NARS2: variants seen among roughly 807,000 people sequenced by gnomAD.
NARS2 encodes asparaginyl-tRNA synthetase.
Under a neutral mutation model 62.9 loss-of-function variants are expected in NARS2, and 60 were observed. That is an observed-to-expected ratio of 0.95 (90% confidence interval 0.77 to 1.18). The LOEUF (loss-of-function observed/expected upper bound fraction) is 1.18, where lower values mean the gene tolerates loss of function less well. NARS2 is among the 50% of genes most tolerant of loss of function. The probability of loss-of-function intolerance (pLI) is 0.00; values close to 1 mark genes in which losing one functional copy is unlikely to be tolerated. For missense variants in NARS2, 619 were observed against 576.4 expected, an observed-to-expected ratio of 1.07 and a Z score of -0.76; for synonymous variants, 196 against 200.0, an observed-to-expected ratio of 0.98 and a Z score of 0.17.
chr11:78,519,263 G>C (rs557931319), intron 6 of NARS2, among the ~76,000 whole-genome samples: 1 of 152,100 alleles, frequency 6.6e-6, no homozygotes, highest in South Asian at 2.1e-4. Flanking sequence ...TAATCGAAGG[G>C]AGTCAATTTA....
At chr11:78,516,097 G>A (rs1308814665) in intron 6 of NARS2, among the ~76,000 whole-genome samples, 2 of 152,204 alleles carry the variant, frequency 1.3e-5, no homozygotes, top group African/African-American at 4.8e-5. Flanking sequence ...GTATTTGGAA[G>A]TTGATAAAGA....
intron 9 of NARS2, among the ~76,000 whole-genome samples, chr11:78,474,928 A>T (rs1377544412): frequency 1.3e-5 from 2 of 151,642 alleles, no homozygotes; most frequent in African/African-American, 4.9e-5. Flanking sequence ...TTTTGCAGTG[A>T]GAAGATTTAA....
At chr11:78,504,456 T>C (rs1197213005) in intron 6 of NARS2, among the ~76,000 whole-genome samples, 1 of 139,112 alleles carries the variant, frequency 7.2e-6, no homozygotes, top group Admixed American at 7.2e-5. Context: ...TTTTTTTTTT[T>C]CTGTGTAGGG....
At chr11:78,492,374 C>T (rs1333500433) in intron 7 of NARS2, among the ~76,000 whole-genome samples, 4 of 152,118 alleles carry the variant, frequency 2.6e-5, no homozygotes, top group Admixed American at 2.0e-4. Flanking sequence ...TTTTATCTAC[C>T]TCTAAATCAT....
At chr11:78,468,310 G>GGAAAAAAAAAAAAA (rs1555015326) in intron 10 of NARS2, among the ~76,000 whole-genome samples, 6 of 67,430 alleles carry the variant, frequency 8.9e-5, no homozygotes, top group East Asian at 3.7e-4. Flanking sequence ...CACTAAATCT[G>GGAAAAAAAAAAAAA]AAAAAAAAAA....
rs143273746 is a variant in NARS2, at chr11:78,484,003, C to G, written c.823-5320G>C. Among the ~76,000 whole-genome samples, 109 of 152,280 alleles carry G rather than the reference C, an allele frequency of 7.2e-4. No individual in the cohort carries two copies. The East Asian group carries it at 0.018, about 25-fold the overall frequency. On this transcript the variant is annotated intron_variant, in intron 7 of 13. Transcript: ENST00000281038. ...GATTTCAAACTATACTACAAGGCTA[C>G]AGTAATCAAAACAACATGGTACTGT... is the stretch of plus-strand genomic sequence containing the variant.
intron 5 of NARS2, among the ~76,000 whole-genome samples, chr11:78,549,132 T>C (rs1480042791): frequency 6.6e-6 from 1 of 152,188 alleles, no homozygotes. Flanking sequence ...CCAGTCCCAC[T>C]TGGGGGATGG....
chr11:78,504,171 C>T (rs1408204109), intron 6 of NARS2, among the ~76,000 whole-genome samples: 1 of 152,168 alleles, frequency 6.6e-6, no homozygotes, highest in Non-Finnish European at 1.5e-5. Context: ...AACTTCACAC[C>T]ATATTGTCCT....
At chr11:78,466,717 G>A (rs948572228) in intron 10 of NARS2, among the ~76,000 whole-genome samples, 1 of 152,082 alleles carries the variant, frequency 6.6e-6, no homozygotes, top group East Asian at 1.9e-4. Context: ...TCCTGATTTC[G>A]TGATCTGCCC....
At chr11:78,551,513 T>C (rs1324130585) in intron 5 of NARS2, among the ~76,000 whole-genome samples, 2 of 152,236 alleles carry the variant, frequency 1.3e-5, no homozygotes, top group African/African-American at 4.8e-5. Flanking sequence ...CACTTTCATA[T>C]TTTATGGTAT....
chr11:78,468,703 C>T (rs1182658632), intron 10 of NARS2, among the ~76,000 whole-genome samples: 1 of 151,960 alleles, frequency 6.6e-6, no homozygotes, highest in East Asian at 1.9e-4. Context: ...CGCACCCAGC[C>T]TGGTCATCTT....
intron 9 of NARS2, among the ~76,000 whole-genome samples, chr11:78,470,374 C>A (rs763721278): frequency 1.3e-5 from 2 of 152,010 alleles, no homozygotes; most frequent in Non-Finnish European, 2.9e-5. Context: ...CCAGAGAAAC[C>A]TAGTTCCTTT....
At position 78,572,514 on chromosome 11, in the gene NARS2, C is replaced by A. The variant is rs149406453; in HGVS notation, c.142-1070G>T. On this transcript the variant is annotated intron_variant, in intron 1 of 13. Coordinates refer to ENST00000281038, the MANE Select transcript of NARS2 (RefSeq NM_024678.6). ...GATGCTATTATAATTCTGCCCCATC[C>A]CCAGCTCCTCTGCCTAGGGAACACA... Among the ~76,000 whole-genome samples, 976 of 152,268 alleles carry A rather than the reference C, an allele frequency of 6.4e-3. 6 individuals carry two copies. Among genetic ancestry groups the A allele is most frequent in the African/African-American group, 0.022 (929 of 41,544 alleles).
intron 3 of NARS2, among the ~76,000 whole-genome samples, chr11:78,567,394 G>A (rs1182843572): frequency 6.6e-6 from 1 of 152,296 alleles, no homozygotes; most frequent in African/African-American, 2.4e-5. Context: ...AGAATGGCAT[G>A]CAATTTAAAA....
chr11:78,482,638 C>G (rs1209540961), intron 7 of NARS2, among the ~76,000 whole-genome samples: 1 of 152,134 alleles, frequency 6.6e-6, no homozygotes, highest in Non-Finnish European at 1.5e-5. Flanking sequence ...ACGAGAAAAT[C>G]TAGAAGAAAT....
At chr11:78,479,638 A>G (rs1205206338) in intron 7 of NARS2, among the ~76,000 whole-genome samples, 1 of 152,272 alleles carries the variant, frequency 6.6e-6, no homozygotes, top group African/African-American at 2.4e-5. Context: ...CACAACTAAC[A>G]TTCTTGGTTT....
chr11:78,504,346 G>A (rs1860401461), intron 6 of NARS2, among the ~76,000 whole-genome samples: 1 of 151,386 alleles, frequency 6.6e-6, no homozygotes, highest in African/African-American at 2.4e-5. Flanking sequence ...GGCTGGCTTG[G>A]GTTTTGCATA....
chr11:78,467,539 C>CA (rs1488089740), intron 10 of NARS2, among the ~76,000 whole-genome samples: 2 of 145,284 alleles, frequency 1.4e-5, no homozygotes, highest in Admixed American at 1.4e-4. Context: ...TCTTGTCTTT[C>CA]AAAAAATAAA....
At chr11:78,569,133 T>A (rs74355532) in intron 2 of NARS2, among the ~76,000 whole-genome samples, 3 of 150,882 alleles carry the variant, frequency 2.0e-5, no homozygotes, top group South Asian at 2.1e-4. Flanking sequence ...TAAAAAAAAA[T>A]TTTTTTTTAC....
Sources: allele counts gnomAD v4.1 joint callset (sites outside exome capture counted in the v4.1 genomes callset), GRCh38; gene constraint gnomAD v4.1.1; transcripts MANE v1.5; gene names NCBI Gene and HGNC (gene_info 2026-07-23, HGNC 2026-07-21).